The following SRGAP3 variants were observed in gnomAD, a reference collection of about 807,000 sequenced individuals.
The protein encoded by SRGAP3 is SLIT-ROBO Rho GTPase-activating protein 3.
SRGAP3 carries 39 observed loss-of-function variants against 121.1 expected under a neutral mutation model. The observed-to-expected ratio is 0.32, with a 90% CI of 0.25 to 0.42. SRGAP3 has a LOEUF of 0.42. Among genes scored for constraint, SRGAP3 ranks in the 10% least tolerant of loss-of-function variants. The pLI is 1.00. For synonymous variants in SRGAP3, 601 were observed against 570.0 expected, an observed-to-expected ratio of 1.05 and a Z score of -0.77; for missense variants, 1,213 against 1,470.6, an observed-to-expected ratio of 0.82 and a Z score of 2.86.
chr3:9,048,496 C>T, intron 9 of SRGAP3, among the ~76,000 whole-genome samples: 1 of 152,284 alleles, frequency 6.6e-6, no homozygotes, highest in Admixed American at 6.5e-5. Flanking sequence ...TAAAATACCA[C>T]TCAGTCAGGC....
At chr3:9,305,438 C>A (rs559438015) in intron 3 of SRGAP3, among the ~76,000 whole-genome samples, 11 of 120,720 alleles carry the variant, frequency 9.1e-5, no homozygotes, top group African/African-American at 3.5e-4. Flanking sequence ...ACTTTAAGTT[C>A]TAGGGTACAT....
At chr3:9,344,506 C>A (rs539675978) in intron 1 of SRGAP3, among the ~76,000 whole-genome samples, 1 of 151,922 alleles carries the variant, frequency 6.6e-6, no homozygotes, top group Non-Finnish European at 1.5e-5. Context: ...ACGGCAGGCA[C>A]CTATAATCCC....
chr3:9,004,061 G>A (rs73140163), intron 18 of SRGAP3, among the ~76,000 whole-genome samples: 4,633 of 152,210 alleles, frequency 0.03, 220 homozygotes, highest in African/African-American at 0.1. Flanking sequence ...TACAAGAGCA[G>A]TATAGTAAAA....
intron 1 of SRGAP3, among the ~76,000 whole-genome samples, chr3:9,201,663 A>G (rs1440440769): frequency 6.6e-6 from 1 of 152,176 alleles, no homozygotes; most frequent in Non-Finnish European, 1.5e-5. Context: ...TCCAATCACC[A>G]ATGACTTGGC....
chr3:8,999,829 G>A (rs1258094397), intron 18 of SRGAP3, among the ~76,000 whole-genome samples: 1 of 151,854 alleles, frequency 6.6e-6, no homozygotes, highest in Non-Finnish European at 1.5e-5. Flanking sequence ...CCGACTTCTG[G>A]GATGACAGCA....
intron 1 of SRGAP3, among the ~76,000 whole-genome samples, chr3:9,152,023 C>T (rs544250768): frequency 6.6e-6 from 1 of 152,324 alleles, no homozygotes; most frequent in South Asian, 2.1e-4. Flanking sequence ...CCAACCTCTG[C>T]CTTAATGGTG....
At chr3:9,036,828 A>G (rs963615760) in intron 11 of SRGAP3, 3 of 152,176 alleles carry the variant, frequency 2.0e-5, no homozygotes, top group Admixed American at 6.5e-5. Flanking sequence ...TCGCCAGAAA[A>G]GAAAAAAAAA....
chr3:9,139,293 C>T (rs1949769584), intron 1 of SRGAP3, among the ~76,000 whole-genome samples: 1 of 152,030 alleles, frequency 6.6e-6, no homozygotes, highest in Admixed American at 6.6e-5. Flanking sequence ...GGAATGTTAC[C>T]TTCAATGGCA....
intron 1 of SRGAP3, among the ~76,000 whole-genome samples, chr3:9,127,623 AT>A (rs1949287893): frequency 6.6e-6 from 1 of 152,040 alleles, no homozygotes; most frequent in Admixed American, 6.6e-5. Context: ...AGTTTTTTGT[AT>A]TTTTAGTAGA....
At chr3:9,229,333 C>T (rs957657316) in intron 1 of SRGAP3, among the ~76,000 whole-genome samples, 3 of 152,118 alleles carry the variant, frequency 2.0e-5, no homozygotes, top group Non-Finnish European at 4.4e-5. Flanking sequence ...CAGGAGCAGT[C>T]GTCTAGCTGG....
chr3:9,040,383 G>T (rs1944960186), intron 10 of SRGAP3, among the ~76,000 whole-genome samples: 1 of 152,136 alleles, frequency 6.6e-6, no homozygotes, highest in African/African-American at 2.4e-5. Flanking sequence ...CTCTGCTACA[G>T]ATGCAGAGGC....
At chr3:9,158,391 A>G (rs1455278257) in intron 1 of SRGAP3, among the ~76,000 whole-genome samples, 1 of 152,204 alleles carries the variant, frequency 6.6e-6, no homozygotes, top group Non-Finnish European at 1.5e-5. Flanking sequence ...CTAGACATAT[A>G]GGTCCACTGT....
At chr3:9,357,162 T>C (rs1299402952) in intron 1 of SRGAP3, among the ~76,000 whole-genome samples, 1 of 151,866 alleles carries the variant, frequency 6.6e-6, no homozygotes, top group Non-Finnish European at 1.5e-5. Context: ...GGAGAGTCGC[T>C]TGAGCCTGGG....
chr3:9,309,141 A>G (rs1296431341), intron 3 of SRGAP3, among the ~76,000 whole-genome samples: 1 of 152,162 alleles, frequency 6.6e-6, no homozygotes, highest in Non-Finnish European at 1.5e-5. Context: ...CAGGCAAGAC[A>G]ACTGAATGAT....
chr3:9,120,564 T>C (rs1374863333), intron 2 of SRGAP3, among the ~76,000 whole-genome samples: 1 of 152,218 alleles, frequency 6.6e-6, no homozygotes, highest in Non-Finnish European at 1.5e-5. Context: ...AAGCCTGAGT[T>C]GGAAGTCAAG....
intron 3 of SRGAP3, among the ~76,000 whole-genome samples, chr3:9,082,732 C>G (rs994167865): frequency 6.6e-6 from 1 of 152,202 alleles, no homozygotes; most frequent in African/African-American, 2.4e-5. Context: ...CAAAGAACAG[C>G]CTTCCTCTCA....
At chr3:9,299,225 C>T (rs1201758523) in intron 3 of SRGAP3, among the ~76,000 whole-genome samples, 1 of 150,582 alleles carries the variant, frequency 6.6e-6, no homozygotes, top group Non-Finnish European at 1.5e-5. Context: ...GCTGGGCATG[C>T]TGGTGCATGC....
chr3:9,094,597 G>A (rs771548957), intron 3 of SRGAP3, among the ~76,000 whole-genome samples: 18 of 152,014 alleles, frequency 1.2e-4, no homozygotes, highest in Non-Finnish European at 1.8e-4. Flanking sequence ...TCCTGGGAAC[G>A]CATGAGGGTC....
intron 3 of SRGAP3, among the ~76,000 whole-genome samples, chr3:9,304,640 G>C (rs1391786203): frequency 6.6e-6 from 1 of 152,114 alleles, no homozygotes; most frequent in Non-Finnish European, 1.5e-5. Flanking sequence ...TTGTCAGTGA[G>C]GGATAAAGCT....
Sources: allele counts gnomAD v4.1 joint callset (sites outside exome capture counted in the v4.1 genomes callset), GRCh38; gene constraint gnomAD v4.1.1; transcripts MANE v1.5; gene names NCBI Gene and HGNC (gene_info 2026-07-23, HGNC 2026-07-21).